Variants in ATP2B4 observed in about 807,000 individuals in gnomAD.
ATP2B4 encodes plasma membrane calcium-transporting ATPase 4.
In ATP2B4, 39 loss-of-function variants were observed where a neutral mutation model predicts 110.3. The observed-to-expected ratio is 0.35, with a 90% CI of 0.27 to 0.46. ATP2B4 has a LOEUF of 0.46. Among genes scored for constraint, ATP2B4 ranks in the 20% least tolerant of loss-of-function variants. ATP2B4 has a pLI of 1.00. For missense variants in ATP2B4, 1,135 were observed against 1,530.9 expected, an observed-to-expected ratio of 0.74 and a Z score of 4.32; for synonymous variants, 538 against 571.7, an observed-to-expected ratio of 0.94 and a Z score of 0.84.
chr1:203,697,957 G>A (rs1665580339), intron 2 of ATP2B4, among the ~76,000 whole-genome samples, 200 bp from the exon 3 acceptor site: 1 of 151,876 alleles, frequency 6.6e-6, no homozygotes, highest in South Asian at 2.1e-4. Flanking sequence ...CACCCACCTT[G>A]GCCTCCCAAA....
In ATP2B4 at chr1:203,657,226, T is replaced by C. The variant is rs921267235; in HGVS notation, c.-464-25516T>C. 11 of 726,216 alleles carry C rather than the reference T, an allele frequency of 1.5e-5. No homozygotes were observed. The Admixed American group carries it at 1.5e-4, about 10-fold the overall frequency. The allele number at this position is 726,216 out of a possible 1,614,324, so 45.0% of individuals were successfully genotyped here. On this transcript the variant is annotated intron_variant, in intron 1 of 20. Coordinates refer to ENST00000357681, the MANE Select transcript of ATP2B4 (RefSeq NM_001684.5). ...TACATGGGCTTTCTTGAAATGCATA[T>C]TGGCCTGATCAGTCTTTCTTATTTA...
chr1:203,639,538 A>T (rs1663562959), intron 1 of ATP2B4, among the ~76,000 whole-genome samples: 1 of 152,154 alleles, frequency 6.6e-6, no homozygotes, highest in East Asian at 1.9e-4. Context: ...GGGAGGTAAG[A>T]TCTAGACCCG....
intron 14 of ATP2B4, 56 bp downstream of exon 14, chr1:203,713,308 G>T: frequency 6.2e-7 from 1 of 1,602,728 alleles, no homozygotes; most frequent in South Asian, 1.1e-5. Flanking sequence ...CCAGGGCGAG[G>T]ACAGATAAGA....
At chr1:203,708,694 A>C (rs970567460) in intron 10 of ATP2B4, among the ~76,000 whole-genome samples, 2 of 152,042 alleles carry the variant, frequency 1.3e-5, no homozygotes, top group African/African-American at 4.8e-5. Flanking sequence ...TCATCTCTAC[A>C]AAAATAAACA....
intron 6 of ATP2B4, among the ~76,000 whole-genome samples, chr1:203,701,799 G>C (rs1665700223): frequency 1.3e-5 from 2 of 152,150 alleles, no homozygotes; most frequent in Admixed American, 6.5e-5. Flanking sequence ...GCAAGAGAAA[G>C]CACCTCAGGT....
intron 1 of ATP2B4, among the ~76,000 whole-genome samples, chr1:203,642,051 A>C (rs1663647882): frequency 6.6e-6 from 1 of 151,948 alleles, no homozygotes; most frequent in Admixed American, 6.6e-5. Context: ...TCTGGTCCCT[A>C]ACCCCCACAG....
At position 203,698,391 on chromosome 1, in the gene ATP2B4, G is replaced by A. The variant is rs899138139; in HGVS notation, c.391+37G>A. 10 of 1,604,360 alleles carry A rather than the reference G, an allele frequency of 6.2e-6. No individual in the cohort carries two copies. The Admixed American group carries it at 1.3e-4, about 21-fold the overall frequency. On this transcript the variant is annotated intron_variant, in intron 3 of 20. Coordinates refer to ENST00000357681, the MANE Select transcript of ATP2B4 (RefSeq NM_001684.5). ...AAACAGCTCAGCGTGACTCTTATCT[G>A]GGTTCTTTCCACCACCACCACCAAG...
intron 1 of ATP2B4, among the ~76,000 whole-genome samples, chr1:203,670,722 A>G (rs1477499416): frequency 6.6e-6 from 1 of 152,134 alleles, no homozygotes; most frequent in African/African-American, 2.4e-5. Flanking sequence ...TTCTGCCAAG[A>G]CTGATTTTTA....
chr1:203,703,164 C>T (rs962166992), intron 7 of ATP2B4, among the ~76,000 whole-genome samples: 4 of 145,148 alleles, frequency 2.8e-5, no homozygotes, highest in Admixed American at 1.4e-4. Flanking sequence ...CCCTGACAAT[C>T]GAGAGAGAGA....
chr1:203,677,664 T>G (rs1427170995), intron 1 of ATP2B4, among the ~76,000 whole-genome samples: 1 of 152,120 alleles, frequency 6.6e-6, no homozygotes, highest in Non-Finnish European at 1.5e-5. Flanking sequence ...GGGTTTCACC[T>G]TGTTGGCCAG....
intron 19 of ATP2B4, 88 bp from the exon 20 acceptor site, chr1:203,727,307 C>T: frequency 1.3e-6 from 2 of 1,489,514 alleles, no homozygotes; most frequent in South Asian, 1.3e-5. Flanking sequence ...AAAGAGTAAC[C>T]TGCCCAAGGG....
chr1:203,655,211 T>C (rs1664122046), intron 1 of ATP2B4, among the ~76,000 whole-genome samples: 1 of 152,216 alleles, frequency 6.6e-6, no homozygotes, highest in South Asian at 2.1e-4. Context: ...CTGTAAATAC[T>C]GTTGAAGTGA....
At chr1:203,627,675 A>G (rs1477796424) in intron 1 of ATP2B4, among the ~76,000 whole-genome samples, 7 of 40,102 alleles carry the variant, frequency 1.7e-4, no homozygotes, top group South Asian at 1.2e-3. Flanking sequence ...AGAGAGATGG[A>G]AAAAAAAAAA....
intron 1 of ATP2B4, among the ~76,000 whole-genome samples, chr1:203,627,821 TTTC>T (rs1290955592): frequency 2.0e-5 from 3 of 152,068 alleles, no homozygotes; most frequent in African/African-American, 7.2e-5. Flanking sequence ...ACGAATTAAA[TTTC>T]TTTAGCTTTG....
Position 203,700,871 on chromosome 1 carries a change from C to T in ATP2B4, c.849C>T (p.Ile283=), listed in dbSNP as rs1327248412. 6.2e-7 allele frequency: 1 copy of T among 1,613,742 alleles called. No homozygotes were observed. Among genetic ancestry groups the T allele is most frequent in the Non-Finnish European group, 8.5e-7 (1 of 1,179,794 alleles). Residue 283 remains isoleucine (I), a synonymous_variant, in exon 6 of 21, where the codon ATC becomes ATT. Coordinates refer to ENST00000357681, the MANE Select transcript of ATP2B4 (RefSeq NM_001684.5). ...AVGVNSQTGI[I]LTLLGVNEDD... ...GTGTCAACTCTCAGACTGGAATCATCCTTACTCTCTTGGGGGTCAATGAGG... is the reference window on the plus strand; with the variant it reads ...GTGTCAACTCTCAGACTGGAATCATTCTTACTCTCTTGGGGGTCAATGAGG...
At chr1:203,681,958 C>T (rs1015839303) in intron 1 of ATP2B4, among the ~76,000 whole-genome samples, 13 of 150,826 alleles carry the variant, frequency 8.6e-5, no homozygotes, top group Non-Finnish European at 1.3e-4. Context: ...GTTCACCCTG[C>T]GTCACCAACT....
chr1:203,652,651 C>T (rs1168000500), intron 1 of ATP2B4, among the ~76,000 whole-genome samples: 1 of 152,010 alleles, frequency 6.6e-6, no homozygotes, highest in Non-Finnish European at 1.5e-5. Flanking sequence ...CTTGGTAATT[C>T]TCATGATGTT....
At chr1:203,639,852 A>G (rs1663573858) in intron 1 of ATP2B4, among the ~76,000 whole-genome samples, 3 of 152,110 alleles carry the variant, frequency 2.0e-5, no homozygotes, top group Admixed American at 2.0e-4. Flanking sequence ...TGGTACTGAG[A>G]AATAGAACAA....
In ATP2B4 at chr1:203,711,057, C is replaced by T. The variant is rs201010085; in HGVS notation, c.1980C>T (p.Thr660=). The part of the protein sequence containing the change: ...PSWDNENEIL[T]ELTCIAVVGI... ...GGGACAATGAGAATGAGATCCTCAC[C>T]GAACTGACCTGTATCGCGGTGGTGG... The change falls in exon 12 of 21, where the codon ACC becomes ACT. Residue 660 remains threonine, a synonymous_variant. Coordinates refer to ENST00000357681, the MANE Select transcript of ATP2B4 (RefSeq NM_001684.5). 87 of 1,614,106 alleles carry T rather than the reference C, an allele frequency of 5.4e-5. No individual in the cohort carries two copies. The highest frequency in any genetic ancestry group is 2.8e-4 in the African/African-American group (21 of 75,036).
Sources: allele counts gnomAD v4.1 joint callset (sites outside exome capture counted in the v4.1 genomes callset), GRCh38; gene constraint gnomAD v4.1.1; transcripts MANE v1.5; gene names NCBI Gene and HGNC (gene_info 2026-07-23, HGNC 2026-07-21).